Variants in VAMP4 observed in about 807,000 individuals in gnomAD.
VAMP4 encodes vesicle associated membrane protein 4.
Under a neutral mutation model 23.5 loss-of-function variants are expected in VAMP4, and 19 were observed. The observed-to-expected ratio is 0.81, with a 90% CI of 0.56 to 1.19. VAMP4 has a LOEUF of 1.19. VAMP4 is among the 50% of genes most tolerant of loss of function. The probability of loss-of-function intolerance (pLI) is 0.00; values close to 1 mark genes in which losing one functional copy is unlikely to be tolerated. For missense variants in VAMP4, 145 were observed against 168.6 expected (o/e 0.86, Z 0.78); for synonymous variants, 31 against 51.0 (o/e 0.61, Z 1.67).
At chr1:171,719,099 C>G (rs1236830344) in intron 4 of VAMP4, 72 bp downstream of exon 4, 1 of 1,395,392 alleles carries the variant, frequency 7.2e-7, no homozygotes, top group African/African-American at 1.5e-5. Context: ...ATTTGGCTCA[C>G]AGGCTGCAGT....
At chr1:171,737,453 G>C (rs1655780753) in intron 2 of VAMP4, among the ~76,000 whole-genome samples, 1 of 152,056 alleles carries the variant, frequency 6.6e-6, no homozygotes, top group Non-Finnish European at 1.5e-5. Flanking sequence ...AGAATGTTCT[G>C]GAATAAACTA....
rs533484393 is a variant in VAMP4 at position 171,704,405 on chromosome 1, A to T, written c.*101T>A. 2.1e-6 allele frequency: 2 copies of T among 975,414 alleles called. No homozygotes were observed. The highest frequency in any genetic ancestry group is 1.7e-5 in the African/African-American group (1 of 59,100). The allele number at this position is 975,414 out of a possible 1,614,324, so 60.4% of individuals were successfully genotyped here. A position where few individuals can be genotyped will look rare whatever the true frequency, so the allele number is the denominator to read the frequency against. On this transcript the variant is annotated 3_prime_UTR_variant, in exon 8 of 8. Coordinates refer to ENST00000236192, the MANE Select transcript of VAMP4 (RefSeq NM_003762.5). ...TACTTGCCTCTTAGTTTCTTGAAAA[A>T]GAAGTTTTGAAAGTTATATACACAT... is the stretch of plus-strand genomic sequence containing the variant.
intron 4 of VAMP4, among the ~76,000 whole-genome samples, chr1:171,717,106 T>C (rs1655044187): frequency 6.6e-6 from 1 of 152,154 alleles, no homozygotes; most frequent in African/African-American, 2.4e-5. Flanking sequence ...GGGATTCAGC[T>C]GGAAAATCAT....
intron 1 of VAMP4, among the ~76,000 whole-genome samples, chr1:171,740,168 G>A (rs556037703): frequency 6.6e-6 from 1 of 152,170 alleles, no homozygotes; most frequent in African/African-American, 2.4e-5. Flanking sequence ...AAACAGCAGA[G>A]ATACAGGCCT....
intron 1 of VAMP4, among the ~76,000 whole-genome samples, chr1:171,741,333 T>C (rs1655918089): frequency 6.6e-6 from 1 of 152,196 alleles, no homozygotes; most frequent in African/African-American, 2.4e-5. Context: ...TCTTGCTTGA[T>C]GCAGTTTCAC....
Position 171,734,602 on chromosome 1 carries a change from C to T in VAMP4, c.66+3747G>A, listed in dbSNP as rs545344178. On this transcript the variant is annotated intron_variant, in intron 2 of 7. Coordinates refer to ENST00000236192, the MANE Select transcript of VAMP4 (RefSeq NM_003762.5). The stretch of plus-strand genomic sequence containing the variant: ...CTTTAAGTGGGTGAATTGTATGGTA[C>T]GTGACTTTTATCTCAATAAAGCTAT... 1.2e-4 allele frequency among the ~76,000 whole-genome samples: 18 copies of T among 152,096 alleles called. No homozygotes were observed. In the South Asian group the frequency reaches 2.1e-3, roughly 18 times the overall value.
intron 1 of VAMP4, among the ~76,000 whole-genome samples, chr1:171,739,478 T>A (rs1655856619): frequency 6.6e-6 from 1 of 152,148 alleles, no homozygotes; most frequent in Non-Finnish European, 1.5e-5. Context: ...TTCTCTTAAT[T>A]CTGTAAGCCA....
intron 3 of VAMP4, among the ~76,000 whole-genome samples, chr1:171,726,726 A>G (rs1429207011): frequency 2.0e-5 from 3 of 152,196 alleles, no homozygotes; most frequent in Admixed American, 1.3e-4. Context: ...AAGTACAGGT[A>G]AAAATCTTAG....
At chr1:171,732,596 T>G (rs1185853028) in intron 2 of VAMP4, among the ~76,000 whole-genome samples, 2 of 151,950 alleles carry the variant, frequency 1.3e-5, no homozygotes, top group Non-Finnish European at 2.9e-5. Flanking sequence ...TAAATGTAAA[T>G]AAAGGTGATT....
At chr1:171,717,168 G>A (rs1377288032) in intron 4 of VAMP4, among the ~76,000 whole-genome samples, 2 of 152,130 alleles carry the variant, frequency 1.3e-5, no homozygotes, top group African/African-American at 2.4e-5. Context: ...CTCTTCAGAA[G>A]GATATCAGAC....
intron 6 of VAMP4, among the ~76,000 whole-genome samples, chr1:171,708,449 T>C (rs1042328883): frequency 2.0e-5 from 3 of 151,668 alleles, no homozygotes; most frequent in African/African-American, 7.3e-5. Context: ...ATGAAACATA[T>C]TTCTTCCCTC....
rs751290612 is a variant in VAMP4, at chr1:171,710,694, A to G, written c.265+20T>C. The G allele has an allele frequency of 3.9e-6, 6 of 1,549,658 alleles. No homozygotes were observed. In the Admixed American group the frequency reaches 1.1e-4, roughly 29 times the overall value. Reference sequence around the variant, plus strand: ...TAGCAAACAGATTAGTAATATCAAGAAATACATGAAGATCTGTACCTGATT... The same window carrying G: ...TAGCAAACAGATTAGTAATATCAAGGAATACATGAAGATCTGTACCTGATT... On this transcript the variant is annotated intron_variant, in intron 5 of 7. Transcript: ENST00000236192.
intron 4 of VAMP4, among the ~76,000 whole-genome samples, chr1:171,717,610 G>A (rs966272561): frequency 1.5e-5 from 2 of 134,020 alleles, no homozygotes; most frequent in Admixed American, 7.3e-5. Context: ...TGCAGCCATT[G>A]ACCTCCCCTT....
At chr1:171,707,218 G>A (rs936765886) in intron 6 of VAMP4, among the ~76,000 whole-genome samples, 3 of 152,090 alleles carry the variant, frequency 2.0e-5, no homozygotes, top group African/African-American at 7.2e-5. Flanking sequence ...AGGTGTTAGC[G>A]ATTCTCTTTC....
intron 4 of VAMP4, among the ~76,000 whole-genome samples, chr1:171,713,832 G>GAA (rs201108194): frequency 6.6e-6 from 1 of 151,356 alleles, no homozygotes; most frequent in African/African-American, 2.4e-5. Context: ...TGTCTCAAAG[G>GAA]AAAAAAAACA....
Position 171,713,871 on chromosome 1 carries a change from T to C in VAMP4, c.165-3057A>G, listed in dbSNP as rs560193661. Reference sequence around the variant, plus strand: ...CCCTTTAAGGATAAGATTCCATGGATATAGGCAGATTAATTGGGACAGAAC... The same window carrying C: ...CCCTTTAAGGATAAGATTCCATGGACATAGGCAGATTAATTGGGACAGAAC... On this transcript the variant is annotated intron_variant, in intron 4 of 7. Coordinates refer to ENST00000236192, the MANE Select transcript of VAMP4 (RefSeq NM_003762.5). 2.6e-5 allele frequency among the ~76,000 whole-genome samples: 4 copies of C among 152,198 alleles called. No individual in the cohort carries two copies. In the South Asian group the frequency reaches 8.3e-4, roughly 32 times the overall value.
intron 2 of VAMP4, among the ~76,000 whole-genome samples, chr1:171,733,372 G>A (rs529560991): frequency 4.6e-5 from 7 of 151,856 alleles, no homozygotes; most frequent in Admixed American, 6.6e-5. Flanking sequence ...AGGCTACTTG[G>A]GGGGATTGCT....
chr1:171,710,880 T>G, intron 4 of VAMP4, 66 bp from the exon 5 acceptor site: 1 of 1,161,342 alleles, frequency 8.6e-7, no homozygotes. Context: ...TTTAAAACTT[T>G]CATTAGACAT....
intron 3 of VAMP4, among the ~76,000 whole-genome samples, chr1:171,720,426 T>C (rs1289157815): frequency 2.0e-5 from 3 of 151,938 alleles, no homozygotes; most frequent in Non-Finnish European, 4.4e-5. Context: ...AAAATACTTA[T>C]AGAAAAACAC....
Sources: allele counts gnomAD v4.1 joint callset (sites outside exome capture counted in the v4.1 genomes callset), GRCh38; gene constraint gnomAD v4.1.1; transcripts MANE v1.5; gene names NCBI Gene and HGNC (gene_info 2026-07-23, HGNC 2026-07-21).